GPC6: variants seen among roughly 807,000 people sequenced by gnomAD.
GPC6 encodes the protein glypican-6.
A neutral mutation model predicts 55.2 loss-of-function variants in GPC6; 14 were observed. The observed-to-expected ratio is 0.25, with a 90% confidence interval of 0.17 to 0.40. The LOEUF is 0.40. Ranked by LOEUF, GPC6 falls within the 10% of genes least tolerant of loss-of-function variation. GPC6 has a pLI of 1.00. For missense variants in GPC6, 641 were observed against 708.5 expected (o/e 0.90, Z 1.08); for synonymous variants, 278 against 259.6 (o/e 1.07, Z -0.68).
intron 2 of GPC6, among the ~76,000 whole-genome samples, chr13:93,747,185 A>T (rs912157817): frequency 2.0e-5 from 3 of 152,174 alleles, no homozygotes; most frequent in Non-Finnish European, 4.4e-5. Flanking sequence ...AGAAGAAGAT[A>T]TACCTGAGGC....
At chr13:94,120,831 G>A (rs1002393906) in intron 4 of GPC6, among the ~76,000 whole-genome samples, 1 of 152,082 alleles carries the variant, frequency 6.6e-6, no homozygotes, top group East Asian at 1.9e-4. Context: ...GTTCTTCTCT[G>A]ATTAAATAAG....
chr13:94,223,950 C>T (rs1176259775), intron 4 of GPC6, among the ~76,000 whole-genome samples: 2 of 152,120 alleles, frequency 1.3e-5, no homozygotes, highest in African/African-American at 4.8e-5. Context: ...AGGCAGAGCT[C>T]TGCCTTCTTG....
At chr13:93,405,660 C>A (rs564549135) in intron 1 of GPC6, among the ~76,000 whole-genome samples, 1 of 149,090 alleles carries the variant, frequency 6.7e-6, no homozygotes, top group East Asian at 2.0e-4. Context: ...TTTTTTTCTT[C>A]AAGGATAAGT....
chr13:94,377,675 A>T (rs930055072), intron 6 of GPC6, among the ~76,000 whole-genome samples: 1 of 151,976 alleles, frequency 6.6e-6, no homozygotes, highest in African/African-American at 2.4e-5. Context: ...ATACCATTTG[A>T]CCCAGCCATC....
chr13:94,010,134 A>G (rs531267940), intron 3 of GPC6, among the ~76,000 whole-genome samples: 5 of 152,320 alleles, frequency 3.3e-5, no homozygotes, highest in African/African-American at 1.2e-4. Context: ...GTTTTCTGTT[A>G]TTCAAGTACA....
chr13:93,681,412 T>G (rs1052979582), intron 2 of GPC6, among the ~76,000 whole-genome samples: 1 of 152,106 alleles, frequency 6.6e-6, no homozygotes, highest in Admixed American at 6.6e-5. Context: ...TTGTATAACA[T>G]GGGATTTGGG....
At chr13:93,884,995 T>C (rs1230818397) in intron 3 of GPC6, among the ~76,000 whole-genome samples, 1 of 151,980 alleles carries the variant, frequency 6.6e-6, no homozygotes, top group Admixed American at 6.6e-5. Flanking sequence ...AATTTAGAGG[T>C]GGGAAAGGGA....
chr13:93,570,970 T>G (rs1055379741), intron 2 of GPC6, among the ~76,000 whole-genome samples: 1 of 152,128 alleles, frequency 6.6e-6, no homozygotes, highest in Non-Finnish European at 1.5e-5. Context: ...CTGATGTTGG[T>G]CTCCAGTATG....
At chr13:93,467,326 C>T (rs368878459) in intron 1 of GPC6, among the ~76,000 whole-genome samples, 125 of 152,130 alleles carry the variant, frequency 8.2e-4, no homozygotes, top group African/African-American at 3.0e-3. Context: ...ATGGTGCTGC[C>T]GTAATGTTGT....
At chr13:94,269,950 G>T (rs1396582868) in intron 4 of GPC6, among the ~76,000 whole-genome samples, 4 of 152,186 alleles carry the variant, frequency 2.6e-5, no homozygotes, top group African/African-American at 7.2e-5. Flanking sequence ...CAGGACTAGA[G>T]CCTCTGTCTC....
At chr13:93,317,664 A>C (rs977354724) in intron 1 of GPC6, among the ~76,000 whole-genome samples, 2 of 152,174 alleles carry the variant, frequency 1.3e-5, no homozygotes, top group African/African-American at 4.8e-5. Flanking sequence ...GCCTACATTT[A>C]CTTTTTTATC....
At chr13:94,002,550 T>C (rs1881850999) in intron 3 of GPC6, among the ~76,000 whole-genome samples, 1 of 152,128 alleles carries the variant, frequency 6.6e-6, no homozygotes, top group South Asian at 2.1e-4. Context: ...TACACATGAA[T>C]TATCAATATA....
At chr13:94,175,394 C>T (rs1265574842) in intron 4 of GPC6, among the ~76,000 whole-genome samples, 2 of 152,142 alleles carry the variant, frequency 1.3e-5, no homozygotes, top group Non-Finnish European at 2.9e-5. Flanking sequence ...GTCTTTGGAC[C>T]ATACTTTGCC....
chr13:94,232,540 G>A (rs1890762260), intron 4 of GPC6, among the ~76,000 whole-genome samples: 1 of 152,064 alleles, frequency 6.6e-6, no homozygotes, highest in Admixed American at 6.6e-5. Context: ...TTTTTTTGGG[G>A]GGGTGGGGCA....
At chr13:93,661,596 G>C (rs1012592592) in intron 2 of GPC6, among the ~76,000 whole-genome samples, 1 of 152,112 alleles carries the variant, frequency 6.6e-6, no homozygotes, top group African/African-American at 2.4e-5. Flanking sequence ...GCAAGACCTT[G>C]GTATTGCTAC....
chr13:94,122,963 A>G (rs1886686781), intron 4 of GPC6, among the ~76,000 whole-genome samples: 2 of 152,142 alleles, frequency 1.3e-5, no homozygotes. Flanking sequence ...AGCTATTTAG[A>G]AAGCTAAAGA....
chr13:94,172,337 G>A (rs1447464068), intron 4 of GPC6, among the ~76,000 whole-genome samples: 2 of 151,974 alleles, frequency 1.3e-5, no homozygotes, highest in Non-Finnish European at 2.9e-5. Flanking sequence ...CTGCTCTTAC[G>A]AGATGATCGA....
intron 4 of GPC6, among the ~76,000 whole-genome samples, chr13:94,210,183 G>A (rs1006402161): frequency 2.8e-5 from 4 of 140,816 alleles, no homozygotes; most frequent in Admixed American, 1.5e-4. Context: ...TTGAGACAGA[G>A]TCTCGCTGTG....
intron 4 of GPC6, among the ~76,000 whole-genome samples, chr13:94,059,826 C>A (rs1884259566): frequency 6.6e-6 from 1 of 151,750 alleles, no homozygotes; most frequent in Non-Finnish European, 1.5e-5. Context: ...TCCTTCATGA[C>A]CTAATCCTCC....
Sources: allele counts gnomAD v4.1 joint callset (sites outside exome capture counted in the v4.1 genomes callset), GRCh38; gene constraint gnomAD v4.1.1; transcripts MANE v1.5; gene names NCBI Gene and HGNC (gene_info 2026-07-23, HGNC 2026-07-21).